Variants in MDFIC2 observed in about 807,000 individuals in gnomAD.
MDFIC2 encodes the protein myoD family inhibitor domain-containing protein 2.
chr3:70,303,147 CT>C (rs1245155450), intron 2 of MDFIC2, among the ~76,000 whole-genome samples: 3 of 152,254 alleles, frequency 2.0e-5, no homozygotes, highest in African/African-American at 7.2e-5. Context: ...AATATTATTC[CT>C]TGTGGAGAAG....
At chr3:70,286,826 G>T (rs183393133) in intron 2 of MDFIC2, among the ~76,000 whole-genome samples, 4 of 152,068 alleles carry the variant, frequency 2.6e-5, no homozygotes, top group African/African-American at 7.2e-5. Flanking sequence ...AAGCAATTGC[G>T]AATGAGAGTT....
intron 2 of MDFIC2, among the ~76,000 whole-genome samples, chr3:70,287,454 T>G (rs201156735): frequency 0.21 from 31,845 of 150,826 alleles, 3,613 homozygotes; most frequent in African/African-American, 0.28. Flanking sequence ...GCTGGATTCA[T>G]TTTGCCAGTA....
intron 2 of MDFIC2, among the ~76,000 whole-genome samples, chr3:70,283,123 G>A (rs1462299305): frequency 6.6e-6 from 1 of 152,122 alleles, no homozygotes; most frequent in Non-Finnish European, 1.5e-5. Flanking sequence ...TCAAGAAAAT[G>A]CATTTATCTT....
intron 2 of MDFIC2, among the ~76,000 whole-genome samples, chr3:70,306,576 C>G (rs536908099): frequency 6.6e-6 from 1 of 152,210 alleles, no homozygotes; most frequent in East Asian, 1.9e-4. Flanking sequence ...CCATTCCCCA[C>G]CCCCTATTTT....
intron 2 of MDFIC2, among the ~76,000 whole-genome samples, chr3:70,237,771 T>C (rs1701624380): frequency 6.6e-6 from 1 of 152,198 alleles, no homozygotes; most frequent in African/African-American, 2.4e-5. Flanking sequence ...TGTGTTATGA[T>C]TTGTATGCCG....
At chr3:70,304,358 A>G (rs1702379859) in intron 2 of MDFIC2, among the ~76,000 whole-genome samples, 1 of 152,178 alleles carries the variant, frequency 6.6e-6, no homozygotes, top group Admixed American at 6.5e-5. Flanking sequence ...TCTCTTGTCC[A>G]CATTTCTCAA....
chr3:70,199,382 A>T (rs1267222541), intron 3 of MDFIC2, among the ~76,000 whole-genome samples: 6 of 126,854 alleles, frequency 4.7e-5, no homozygotes, highest in Admixed American at 1.6e-4. Context: ...TTACAAAAGA[A>T]AAAAAAAAGT....
At chr3:70,198,198 A>G (rs1701200180) in intron 3 of MDFIC2, among the ~76,000 whole-genome samples, 2 of 152,192 alleles carry the variant, frequency 1.3e-5, no homozygotes, top group South Asian at 2.1e-4. Flanking sequence ...GTAACATTCT[A>G]GCATGAATTA....
At chr3:70,297,446 G>A (rs919366783) in intron 2 of MDFIC2, among the ~76,000 whole-genome samples, 3 of 151,898 alleles carry the variant, frequency 2.0e-5, no homozygotes, top group African/African-American at 4.8e-5. Context: ...TAACCCTCAC[G>A]TTGTTTATTT....
intron 3 of MDFIC2, chr3:70,205,363 C>G (rs1370596852): frequency 1.3e-5 from 2 of 152,086 alleles, no homozygotes; most frequent in Admixed American, 1.3e-4. Flanking sequence ...TTCATATTAT[C>G]TGCAGGCAAC....
chr3:70,202,292 A>G (rs981576835), intron 3 of MDFIC2, among the ~76,000 whole-genome samples: 3 of 152,148 alleles, frequency 2.0e-5, no homozygotes, highest in Non-Finnish European at 2.9e-5. Context: ...GATAATGGTT[A>G]GTAACTAGTG....
intron 2 of MDFIC2, among the ~76,000 whole-genome samples, chr3:70,278,221 GT>G (rs1702047005): frequency 6.6e-6 from 1 of 151,998 alleles, no homozygotes; most frequent in African/African-American, 2.4e-5. Flanking sequence ...TTTGTCCAAC[GT>G]TTTGTCTGAA....
chr3:70,233,683 C>T (rs575969168), intron 2 of MDFIC2, among the ~76,000 whole-genome samples: 1 of 152,274 alleles, frequency 6.6e-6, no homozygotes, highest in Admixed American at 6.5e-5. Flanking sequence ...CAACCTGCGA[C>T]CCATTCTTCT....
chr3:70,265,346 G>T (rs967744908), intron 2 of MDFIC2, among the ~76,000 whole-genome samples: 18 of 152,168 alleles, frequency 1.2e-4, no homozygotes, highest in African/African-American at 4.8e-5. Flanking sequence ...TTTCACTAAT[G>T]GAATGCAAGA....
rs1408834796 is a variant in MDFIC2, at chr3:70,197,541, G to T, written c.311-356C>A. 2.0e-5 allele frequency among the ~76,000 whole-genome samples: 3 copies of T among 152,244 alleles called. No homozygotes were observed. The East Asian group carries it at 5.8e-4, about 29-fold the overall frequency. Reference sequence around the variant, plus strand: ...TTGCAACTGTCTGAAAAATTGCAGGGACTCCCCAAATACAAGGGGCTTAAG... The same window carrying T: ...TTGCAACTGTCTGAAAAATTGCAGGTACTCCCCAAATACAAGGGGCTTAAG... On this transcript the variant is annotated intron_variant, in intron 3 of 3. Coordinates refer to ENST00000567252, the MANE Select transcript of MDFIC2 (RefSeq NM_001364677.1).
intron 2 of MDFIC2, among the ~76,000 whole-genome samples, chr3:70,257,752 A>G (rs1701829930): frequency 6.6e-6 from 1 of 152,204 alleles, no homozygotes; most frequent in African/African-American, 2.4e-5. Flanking sequence ...TGACTTATGT[A>G]TTCAGTGCAA....
intron 3 of MDFIC2, among the ~76,000 whole-genome samples, chr3:70,203,853 C>T (rs1701266286): frequency 6.6e-6 from 1 of 151,968 alleles, no homozygotes; most frequent in African/African-American, 2.4e-5. Context: ...ACTTTCTTAT[C>T]CACAGAGAAG....
chr3:70,259,484 C>A (rs946015241), intron 2 of MDFIC2, among the ~76,000 whole-genome samples: 1 of 152,042 alleles, frequency 6.6e-6, no homozygotes, highest in Non-Finnish European at 1.5e-5. Context: ...CACGCAAGCA[C>A]TTGAAGGGCA....
intron 3 of MDFIC2, among the ~76,000 whole-genome samples, chr3:70,197,503 C>T (rs992427967): frequency 1.3e-5 from 2 of 152,182 alleles, no homozygotes; most frequent in Admixed American, 6.5e-5. Flanking sequence ...AATTAGCTAC[C>T]TCTCTGGAAA....
Sources: gnomAD v4.1 joint callset for allele counts (sites outside exome capture counted in the v4.1 genomes callset) on GRCh38, gnomAD v4.1.1 for gene constraint, MANE v1.5 for transcripts, NCBI Gene and HGNC (gene_info 2026-07-23, HGNC 2026-07-21) for gene names.